Variants in ACTR3C observed in about 807,000 individuals in gnomAD.
The protein encoded by ACTR3C is actin-related protein 3C.
In ACTR3C, 18 loss-of-function variants were observed where a neutral mutation model predicts 26.3. That is an observed-to-expected ratio of 0.68 (90% CI 0.47 to 1.01). The LOEUF is 1.01. Among genes scored for constraint, ACTR3C ranks in the 50% least tolerant of loss-of-function variants. The probability of loss-of-function intolerance (pLI) is 0.00; values close to 1 mark genes in which losing one functional copy is unlikely to be tolerated. For missense variants in ACTR3C, 184 were observed against 250.7 expected (o/e 0.73, Z 1.80); for synonymous variants, 55 against 94.5 (o/e 0.58, Z 2.42).
chr7:149,903,527 T>TA, the ACTR3C span, among the ~76,000 whole-genome samples: 1 of 150,832 alleles, frequency 6.6e-6, no homozygotes, highest in Non-Finnish European at 1.5e-5. Flanking sequence ...GCAAAAACTA[T>TA]GGAAGAGTTG....
At chr7:150,015,963 G>T in the ACTR3C span, among the ~76,000 whole-genome samples, 1 of 151,928 alleles carries the variant, frequency 6.6e-6, no homozygotes, top group Non-Finnish European at 1.5e-5. Flanking sequence ...ATGGCACAGT[G>T]AATCCACCCT....
chr7:150,095,324 G>T, the ACTR3C span, among the ~76,000 whole-genome samples: 1 of 150,412 alleles, frequency 6.6e-6, no homozygotes, highest in East Asian at 1.9e-4. Context: ...ACCTGCTAAA[G>T]TTCAGCCCCC....
At position 150,306,848 on chromosome 7, in the gene ACTR3C, TC is replaced by T. The variant is rs200621582; in HGVS notation, c.-51-11502del. On this transcript the variant is annotated intron_variant, in intron 1 of 7. Transcript: ENST00000683684. ...AAATGAAAACAATTTAATGGTTCCT[TC>T]ATAGGGAGATGGATAACGAACAGTG... 6.7e-3 allele frequency among the ~76,000 whole-genome samples: 1,022 copies of T among 152,366 alleles called. 17 individuals carry two copies. Among genetic ancestry groups the T allele is most frequent in the African/African-American group, 0.023 (938 of 41,578 alleles).
intron 6 of ACTR3C, among the ~76,000 whole-genome samples, chr7:150,275,904 G>A (rs986931850): frequency 1.3e-5 from 2 of 152,024 alleles, no homozygotes; most frequent in African/African-American, 4.8e-5. Context: ...CCCGTCTCAC[G>A]GCACACCTTG....
chr7:150,091,355 A>C, the ACTR3C span, among the ~76,000 whole-genome samples: 5 of 61,722 alleles, frequency 8.1e-5, no homozygotes, highest in African/African-American at 2.7e-4. Context: ...GTCAGGCTAG[A>C]GCAGCAGAGA....
At chr7:149,911,669 G>GA in the ACTR3C span, among the ~76,000 whole-genome samples, 23,493 of 139,702 alleles carry the variant, frequency 0.17, 1,828 homozygotes, top group East Asian at 0.23. Flanking sequence ...ATGGGTTTCA[G>GA]AAAAAAAAAA....
chr7:150,070,532 C>G, the ACTR3C span, among the ~76,000 whole-genome samples: 1 of 152,100 alleles, frequency 6.6e-6, no homozygotes, highest in African/African-American at 2.4e-5. Flanking sequence ...CTCACTTCAG[C>G]CTTAACCTCT....
At chr7:150,037,075 T>C in the ACTR3C span, among the ~76,000 whole-genome samples, 1 of 97,648 alleles carries the variant, frequency 1.0e-5, no homozygotes, top group Non-Finnish European at 2.3e-5. Context: ...GGGGGGTGCC[T>C]CCCCCTCGTG....
At chr7:150,043,191 G>T in the ACTR3C span, among the ~76,000 whole-genome samples, 3 of 150,154 alleles carry the variant, frequency 2.0e-5, no homozygotes, top group Non-Finnish European at 4.4e-5. Context: ...ACCTGCCGTC[G>T]GAAGATTTGA....
chr7:150,067,338 GGGGCAAAGAA>G, the ACTR3C span, among the ~76,000 whole-genome samples: 1 of 152,186 alleles, frequency 6.6e-6, no homozygotes, highest in Non-Finnish European at 1.5e-5. Context: ...CCAGTGCAGA[GGGGCAAAGAA>G]AGGAAAAGAG....
chr7:149,946,159 T>C, the ACTR3C span, among the ~76,000 whole-genome samples: 2 of 152,328 alleles, frequency 1.3e-5, no homozygotes, highest in African/African-American at 4.8e-5. Flanking sequence ...ATGGAGGACC[T>C]GGCCTGGGCC....
At chr7:150,272,013 C>A (rs1398925182) in intron 6 of ACTR3C, among the ~76,000 whole-genome samples, 1 of 143,970 alleles carries the variant, frequency 6.9e-6, no homozygotes, top group East Asian at 2.0e-4. Flanking sequence ...GGCTTCACAG[C>A]CCCTCACACT....
chr7:150,172,394 A>G, the ACTR3C span, among the ~76,000 whole-genome samples: 1 of 150,754 alleles, frequency 6.6e-6, no homozygotes, highest in South Asian at 2.1e-4. Flanking sequence ...ACCCCTGATA[A>G]ACACATCAGA....
chr7:150,182,006 A>G, the ACTR3C span, among the ~76,000 whole-genome samples: 3 of 150,542 alleles, frequency 2.0e-5, no homozygotes, highest in South Asian at 4.1e-4. Context: ...TGGACACAAA[A>G]AGGGAGCAGA....
the ACTR3C span, among the ~76,000 whole-genome samples, chr7:149,892,749 G>A: frequency 0.49 from 46,022 of 94,662 alleles, 13,584 homozygotes; most frequent in East Asian, 0.72. Context: ...AATACAATAT[G>A]GAAGGGGACA....
the ACTR3C span, among the ~76,000 whole-genome samples, chr7:150,099,958 A>G: frequency 6.6e-6 from 1 of 151,772 alleles, no homozygotes; most frequent in Non-Finnish European, 1.5e-5. Context: ...AGCAGCTGGC[A>G]CCCATAAGTA....
At chr7:149,977,571 C>G in the ACTR3C span, among the ~76,000 whole-genome samples, 8,964 of 151,996 alleles carry the variant, frequency 0.059, 735 homozygotes, top group African/African-American at 0.19. Flanking sequence ...ATCCGGACCT[C>G]TGTTCAGTTA....
the ACTR3C span, among the ~76,000 whole-genome samples, chr7:149,919,491 C>T: frequency 3.0e-4 from 45 of 152,260 alleles, no homozygotes; most frequent in African/African-American, 9.1e-4. Flanking sequence ...CCACCCACCT[C>T]GGCCTCTCAA....
At chr7:150,047,291 G>A in the ACTR3C span, among the ~76,000 whole-genome samples, 1 of 152,166 alleles carries the variant, frequency 6.6e-6, no homozygotes, top group South Asian at 2.1e-4. Flanking sequence ...AACCATAGCA[G>A]CATGCTGTTA....
Sources: gnomAD v4.1 joint callset for allele counts (sites outside exome capture counted in the v4.1 genomes callset) on GRCh38, gnomAD v4.1.1 for gene constraint, MANE v1.5 for transcripts, NCBI Gene and HGNC (gene_info 2026-07-23, HGNC 2026-07-21) for gene names.